Variants in RIOX2 observed in about 807,000 individuals in gnomAD.
RIOX2 encodes the protein ribosomal oxygenase 2, also known as 60S ribosomal protein L27a histidine hydroxylase.
A neutral mutation model predicts 51.2 loss-of-function variants in RIOX2; 43 were observed. The observed-to-expected ratio is 0.84, with a 90% CI of 0.66 to 1.08. The LOEUF (loss-of-function observed/expected upper bound fraction) is 1.08. Ranked by LOEUF, RIOX2 falls within the 50% of genes least tolerant of loss-of-function variation. The pLI is 0.00. For missense variants in RIOX2, 566 were observed against 561.7 expected (o/e 1.01, Z -0.08); for synonymous variants, 226 against 218.5 (o/e 1.03, Z -0.30).
chr3:97,960,207 G>C (rs922376538), intron 3 of RIOX2, among the ~76,000 whole-genome samples: 1 of 152,088 alleles, frequency 6.6e-6, no homozygotes. Flanking sequence ...AAGTCGTAAC[G>C]TTACAAGAAA....
chr3:97,943,324 C>A lies in RIOX2; in HGVS notation c.*1860G>T. 1 of 1,465,606 alleles carries A rather than the reference C, an allele frequency of 6.8e-7. No homozygotes were observed. Among genetic ancestry groups the A allele is most frequent in the Non-Finnish European group, 9.5e-7 (1 of 1,047,662 alleles). 90.8% of individuals were successfully genotyped at this position (1,465,606 alleles called of 1,614,324 possible). On this transcript the variant is annotated 3_prime_UTR_variant, in exon 10 of 10. Transcript: ENST00000394198. ...CATTGAAATATTGTGAGAGAATCAA[C>A]ATCCCTAGAAAGATCCCTAGAAAGA...
chr3:97,942,775 G>A lies in RIOX2; in HGVS notation c.*2409C>T, dbSNP rs1341873145. On this transcript the variant is annotated 3_prime_UTR_variant, in exon 10 of 10. Transcript: ENST00000394198. ...CATCTCTAGCTTTTTGCCAGGAATT[G>A]CCATGGTCCTTAAAAACCCTCAGGT... The A allele has an allele frequency of 4.4e-6, 1 of 227,744 alleles. No homozygotes were observed. The allele number at this position is 227,744 out of a possible 1,614,324, so 14.1% of individuals were successfully genotyped here.
chr3:97,971,737 A>C (rs991959859), intron 1 of RIOX2: 3 of 152,244 alleles, frequency 2.0e-5, no homozygotes, highest in African/African-American at 7.2e-5. Context: ...ATTTACAGCT[A>C]ATGAGTGGCG....
At chr3:97,971,967 C>T (rs1706151432) in intron 1 of RIOX2, 1 of 152,322 alleles carries the variant, frequency 6.6e-6, no homozygotes, top group Non-Finnish European at 1.5e-5. Context: ...CGACATGACG[C>T]CCGGCGGCGC....
intron 1 of RIOX2, among the ~76,000 whole-genome samples, chr3:97,967,897 A>G (rs188226454): frequency 4.7e-4 from 71 of 152,312 alleles, no homozygotes; most frequent in African/African-American, 1.2e-3. Flanking sequence ...ATGTCATGGT[A>G]TTATTTATTA....
At position 97,943,988 on chromosome 3, in the gene RIOX2, C is replaced by T. The variant is rs1460785523; in HGVS notation, c.*1196G>A. On this transcript the variant is annotated 3_prime_UTR_variant, in exon 10 of 10. Transcript: ENST00000394198. ...AACTAAAAAAGTACAAATAAATAAC[C>T]TATGGCCAAACTTGCACTGTTACGT... 6.6e-6 allele frequency: 1 copy of T among 151,922 alleles called. No individual in the cohort carries two copies. The allele number at this position is 151,922 out of a possible 1,614,324, so 9.4% of individuals were successfully genotyped here.
chr3:97,965,146 C>G (rs1324376980), intron 2 of RIOX2, among the ~76,000 whole-genome samples: 1 of 147,718 alleles, frequency 6.8e-6, no homozygotes, highest in Non-Finnish European at 1.5e-5. Context: ...AATCCAGACT[C>G]TAGTGTAAGA....
rs2040326590 is a variant in RIOX2, at chr3:97,945,238, T to G, written c.1344A>C (p.Glu448Asp). 3 of 1,612,740 alleles carry G rather than the reference T, an allele frequency of 1.9e-6. No individual in the cohort carries two copies. In the East Asian group the frequency reaches 6.7e-5, roughly 36 times the overall value. Residue 448 changes from glutamate (E) to aspartate (D), a missense_variant, in exon 10 of 10, where the codon GAA (glutamate) becomes GAC (aspartate). Glu to Asp is a conservative substitution (Grantham distance 45, BLOSUM62 2). Coordinates refer to ENST00000394198, the MANE Select transcript of RIOX2 (RefSeq NM_153182.4). ...VKDLKLTTDE[E>D]KESLVLSLWT... is the part of the protein sequence containing the mutation. ...AGAGGGATAATACCAGGCTTTCCTT[T>G]TCCTCATCTGTAGTAAGTTTCAGGT...
chr3:97,965,785 A>T (rs1483342460), intron 2 of RIOX2, among the ~76,000 whole-genome samples: 1 of 152,202 alleles, frequency 6.6e-6, no homozygotes, highest in Non-Finnish European at 1.5e-5. Flanking sequence ...CTGGTCTATG[A>T]CCAAAGTACA....
intron 4 of RIOX2, among the ~76,000 whole-genome samples, chr3:97,954,853 G>A (rs956723081): frequency 9.9e-5 from 15 of 152,198 alleles, no homozygotes; most frequent in African/African-American, 3.4e-4. Flanking sequence ...GCATGCTTCA[G>A]TGGTTAAGAG....
intron 7 of RIOX2, 123 bp downstream of exon 7, chr3:97,949,721 G>A (rs1338374960): frequency 1.2e-6 from 1 of 827,440 alleles, no homozygotes; most frequent in Non-Finnish European, 1.9e-6. Flanking sequence ...AAGGATGGAT[G>A]TGGTCCACAT....
chr3:97,961,799 G>A lies in RIOX2; in HGVS notation c.433-91C>T, dbSNP rs529406977. The A allele has an allele frequency of 3.5e-5, 49 of 1,394,876 alleles. No individual in the cohort carries two copies. In the East Asian group the frequency reaches 1.2e-3, roughly 33 times the overall value. The allele number at this position is 1,394,876 out of a possible 1,614,324, so 86.4% of individuals were successfully genotyped here. ...TAAGAGCATGTTCTTGTTCACTTAG[G>A]AAGTCTTTACTGCACAACTATTATA... On this transcript the variant is annotated intron_variant, in intron 2 of 9. Coordinates refer to ENST00000394198, the MANE Select transcript of RIOX2 (RefSeq NM_153182.4).
In RIOX2 at chr3:97,942,317, C is replaced by G. The variant is rs375411614; in HGVS notation, c.*2867G>C. 25 of 1,610,478 alleles carry G rather than the reference C, an allele frequency of 1.6e-5. No individual in the cohort carries two copies. In the African/African-American group the frequency reaches 3.2e-4, roughly 21 times the overall value. ...TACATGTCTTGATGTGATTGGTGGC[C>G]GGGACACACCTGGAGCTAAAGTAGC... is the stretch of plus-strand genomic sequence containing the variant. On this transcript the variant is annotated 3_prime_UTR_variant, in exon 10 of 10. Transcript: ENST00000394198.
chr3:97,964,370 T>C (rs902995778), intron 2 of RIOX2, among the ~76,000 whole-genome samples: 1 of 152,160 alleles, frequency 6.6e-6, no homozygotes, highest in Non-Finnish European at 1.5e-5. Context: ...AGGTCACATC[T>C]GTGAACTCCA....
rs554479505 is a variant in RIOX2, at chr3:97,942,800, T to G, written c.*2384A>C. 4.6e-6 allele frequency: 1 copy of G among 216,922 alleles called. No homozygotes were observed. Among genetic ancestry groups the G allele is most frequent in the East Asian group, 1.3e-4 (1 of 7,892 alleles). The allele number at this position is 216,922 out of a possible 1,614,324, so 13.4% of individuals were successfully genotyped here. A position where few individuals can be genotyped will look rare whatever the true frequency, so the allele number is the denominator to read the frequency against. On this transcript the variant is annotated 3_prime_UTR_variant, in exon 10 of 10. Transcript: ENST00000394198. ...GCCATGGTCCTTAAAAACCCTCAGG[T>G]AGAATTTATGGTAGGTATCAATTAA...
chr3:97,961,350 T>C (rs1705665212), intron 3 of RIOX2, among the ~76,000 whole-genome samples: 1 of 152,242 alleles, frequency 6.6e-6, no homozygotes, highest in African/African-American at 2.4e-5. Context: ...TGTGTGGCTC[T>C]TTAAATTAGT....
Position 97,950,904 on chromosome 3 carries a change from AG to A in RIOX2, c.786-17del. On this transcript the variant is annotated splice_polypyrimidine_tract_variant and intron_variant, in intron 5 of 9. Transcript: ENST00000394198. Reference sequence around the variant, plus strand: ...TCCCCATGAACTAGGATATGCACCAAGGGGGAAAAAAAAACCAAAACAGTGA... The same window carrying A: ...TCCCCATGAACTAGGATATGCACCAAGGGGAAAAAAAAACCAAAACAGTGA... 1 of 1,591,310 alleles carries A rather than the reference AG, an allele frequency of 6.3e-7. No individual in the cohort carries two copies. Among genetic ancestry groups the A allele is most frequent in the Non-Finnish European group, 8.6e-7 (1 of 1,160,198 alleles).
At chr3:97,957,796 T>C (rs1472725303) in intron 4 of RIOX2, among the ~76,000 whole-genome samples, 1 of 152,194 alleles carries the variant, frequency 6.6e-6, no homozygotes. Flanking sequence ...CGTGAATCTA[T>C]GTAAACATGA....
intron 2 of RIOX2, among the ~76,000 whole-genome samples, chr3:97,965,838 G>C (rs1352899022): frequency 6.6e-6 from 1 of 152,202 alleles, no homozygotes; most frequent in Non-Finnish European, 1.5e-5. Context: ...AGAGTTCTCA[G>C]GTTTCTAAAA....
Sources: gnomAD v4.1 joint callset for allele counts (sites outside exome capture counted in the v4.1 genomes callset) on GRCh38, gnomAD v4.1.1 for gene constraint, MANE v1.5 for transcripts, NCBI Gene and HGNC (gene_info 2026-07-23, HGNC 2026-07-21) for gene names.